The following TOP1MT variants were observed in gnomAD, a reference collection of about 807,000 sequenced individuals.
TOP1MT encodes the protein DNA topoisomerase I, mitochondrial.
In TOP1MT, 80 loss-of-function variants were observed where a neutral mutation model predicts 73.9. That is an observed-to-expected ratio of 1.08 (90% CI 0.90 to 1.30). The LOEUF is 1.30. Ranked by LOEUF, TOP1MT falls within the 50% of genes most tolerant of loss-of-function variation. TOP1MT has a pLI of 0.00. For synonymous variants in TOP1MT, 338 were observed against 326.4 expected (o/e 1.04, Z -0.38); for missense variants, 815 against 808.0 (o/e 1.01, Z -0.10).
intron 8 of TOP1MT, among the ~76,000 whole-genome samples, chr8:143,318,930 T>C (rs1018993601): frequency 2.0e-5 from 3 of 152,228 alleles, no homozygotes; most frequent in Non-Finnish European, 4.4e-5. Flanking sequence ...GTCCCGCCTT[T>C]TTCTCTACAT....
chr8:143,315,976 G>T, intron 11 of TOP1MT, 23 bp downstream of exon 11: 1 of 1,614,064 alleles, frequency 6.2e-7, no homozygotes, highest in Non-Finnish European at 8.5e-7. Flanking sequence ...GGCTGGGCTG[G>T]GGGCTCTCCT....
At chr8:143,322,414 C>G (rs528882813) in intron 7 of TOP1MT, among the ~76,000 whole-genome samples, 2 of 129,012 alleles carry the variant, frequency 1.6e-5, no homozygotes, top group African/African-American at 6.8e-5. Flanking sequence ...ACCACACACG[C>G]ACGCCACACA....
intron 12 of TOP1MT, among the ~76,000 whole-genome samples, chr8:143,314,571 C>T (rs373098058): frequency 5.8e-5 from 8 of 137,100 alleles, no homozygotes; most frequent in East Asian, 2.2e-4. Flanking sequence ...TCCAGCCTGG[C>T]GACAGAGACT....
upstream of TOP1MT, among the ~76,000 whole-genome samples, chr8:143,357,882 T>C (rs1370250151): frequency 3.3e-5 from 5 of 151,192 alleles, no homozygotes; most frequent in East Asian, 1.9e-4. Flanking sequence ...GATTGCACCA[T>C]TGCACTCCAG....
At chr8:143,321,453 A>ACACACGCACGCCACACACGCACGC in intron 7 of TOP1MT, 67 bp from the exon 8 acceptor site, 3 of 790,350 alleles carry the variant, frequency 3.8e-6, no homozygotes, top group East Asian at 8.6e-5. Flanking sequence ...CGCACGCCAC[A>ACACACGCACGCCACACACGCACGC]CACACGCACG....
At chr8:143,350,243 A>G (rs2931709) in intron 1 of TOP1MT, 34,274 of 152,266 alleles carry the variant, frequency 0.23, 7,286 homozygotes, top group African/African-American at 0.57. Context: ...GCTGTGCAAG[A>G]ATGACAGGCA....
chr8:143,324,287 T>G (rs1586763934), intron 6 of TOP1MT, 145 bp from the exon 7 acceptor site: 2 of 1,358,926 alleles, frequency 1.5e-6, no homozygotes, highest in Non-Finnish European at 2.0e-6. Flanking sequence ...TCTAGCTGGG[T>G]GATGCCGGCA....
intron 12 of TOP1MT, among the ~76,000 whole-genome samples, chr8:143,312,414 A>G (rs913666434): frequency 6.6e-6 from 1 of 152,224 alleles, no homozygotes; most frequent in Non-Finnish European, 1.5e-5. Flanking sequence ...ATGGTTTCAT[A>G]TCTGATCAAT....
chr8:143,334,893 GGCCCCGCCCCAGCGGCCAGCCCC>G (rs770887902), upstream of TOP1MT: 104 of 1,414,070 alleles, frequency 7.4e-5, no homozygotes, highest in South Asian at 5.5e-4. Context: ...CGACAAGCTG[GGCCCCGCCCCAGCGGCCAGCCCC>G]GCCCCGCCCC....
Position 143,322,821 on chromosome 8 carries a change from G to GCACGTCACACACA in TOP1MT, c.960+1177_960+1178insTGTGTGTGACGTG, listed in dbSNP as rs1401129356. On this transcript the variant is annotated intron_variant, in intron 7 of 13. Transcript: ENST00000329245. ...ACACACACATGCATGCCACACACAGGCACGCCACACACGCACACCACACAC... is the reference window on the plus strand; with the variant it reads ...ACACACACATGCATGCCACACACAGGCACGTCACACACACACGCCACACACGCACACCACACAC... Among the ~76,000 whole-genome samples the GCACGTCACACACA allele has an allele frequency of 5.1e-3, 149 of 29,134 alleles. 36 individuals carry two copies. Among genetic ancestry groups the GCACGTCACACACA allele is most frequent in the East Asian group, 0.012 (4 of 342 alleles). 19.1% of individuals were successfully genotyped at this position (29,134 alleles called of 152,430 possible). A position where few individuals can be genotyped will look rare whatever the true frequency, so the allele number is the denominator to read the frequency against.
rs1378241048 is a variant in TOP1MT, at chr8:143,341,858, CCT to C, written c.29+1360_29+1361del. On this transcript the variant is annotated intron_variant, in intron 2 of 5. Coordinates refer to the TOP1MT transcript ENST00000518007. This position sits in a 1 kb window ranked among gnomAD's most constrained non-coding sequence, Gnocchi z 4.1. ...CCTCTTCTTCCTCCTCCTCCTCCTT[CCT>C]CTTTCTCCTCCCCCTTCTTCTTCTT... Among the ~76,000 whole-genome samples the C allele has an allele frequency of 7.2e-6, 1 of 138,896 alleles. No homozygotes were observed. The highest frequency in any genetic ancestry group is 2.1e-4 in the South Asian group (1 of 4,770). The allele number at this position is 138,896 out of a possible 152,430, so 91.1% of individuals were successfully genotyped here.
chr8:143,311,582 C>T (rs111936650), intron 12 of TOP1MT, among the ~76,000 whole-genome samples: 2,236 of 152,138 alleles, frequency 0.015, 57 homozygotes, highest in African/African-American at 0.051. Flanking sequence ...TCCGTCTCTA[C>T]TAAAAATACA....
chr8:143,313,099 A>T (rs1192586807), intron 12 of TOP1MT, among the ~76,000 whole-genome samples: 1 of 152,178 alleles, frequency 6.6e-6, no homozygotes, highest in Non-Finnish European at 1.5e-5. Context: ...CACACACAAA[A>T]ATTAACTCAG....
intron 7 of TOP1MT, among the ~76,000 whole-genome samples, chr8:143,322,636 ACACACGCCACACG>A (rs1445329855): frequency 1.6e-5 from 1 of 62,274 alleles, no homozygotes; most frequent in South Asian, 8.7e-4. Context: ...CACGTCACAC[ACACACGCCACACG>A]CACACCACAC....
Position 143,321,390 on chromosome 8 carries a change from G to C in TOP1MT, c.961-4C>G, listed in dbSNP as rs375715977. The C allele has an allele frequency of 4.4e-6, 7 of 1,576,582 alleles. No individual in the cohort carries two copies. The highest frequency in any genetic ancestry group is 2.3e-5 in the East Asian group (1 of 44,194). ...CATTTCCTGCTCTCAGTGCCAGCTA[G>C]TTGGTGGGGAATGGTCAAAGTGGGT... On this transcript the variant is annotated splice_polypyrimidine_tract_variant and splice_region_variant and intron_variant, in intron 7 of 13. Transcript: ENST00000329245.
In TOP1MT at chr8:143,341,154, C is replaced by T. The variant is rs1421989977; in HGVS notation, c.29+2066G>A. 1.3e-5 allele frequency among the ~76,000 whole-genome samples: 2 copies of T among 152,210 alleles called. No homozygotes were observed. The highest frequency in any genetic ancestry group is 2.1e-4 in the South Asian group (1 of 4,832). On this transcript the variant is annotated intron_variant, in intron 2 of 5. Transcript: ENST00000518007. The surrounding 1 kb of genome is among the most constrained non-coding windows in gnomAD (Gnocchi z 4.1). ...CCCCGCCACCCTCTTCTCGTGCTGC[C>T]GCCCCAGTGCATCTCCCCACACGTT... is the stretch of plus-strand genomic sequence containing the variant.
upstream of TOP1MT, among the ~76,000 whole-genome samples, chr8:143,347,881 G>A (rs529234768): frequency 1.1e-4 from 16 of 152,324 alleles, no homozygotes; most frequent in Admixed American, 5.9e-4. Flanking sequence ...AGGTGAGGAC[G>A]GGTACCTGGA....
At chr8:143,353,704 C>T (rs1817357597) in intron 1 of TOP1MT, among the ~76,000 whole-genome samples, 1 of 151,940 alleles carries the variant, frequency 6.6e-6, no homozygotes, top group South Asian at 2.1e-4. Context: ...TTATTGGGGC[C>T]GGACATGGTG....
At chr8:143,351,632 T>C (rs1563774893) in intron 1 of TOP1MT, among the ~76,000 whole-genome samples, 1 of 149,708 alleles carries the variant, frequency 6.7e-6, no homozygotes, top group Admixed American at 6.6e-5. Context: ...CCATTTACAA[T>C]AGCATCAAAA....
Sources: allele counts gnomAD v4.1 joint callset (sites outside exome capture counted in the v4.1 genomes callset), GRCh38; gene constraint gnomAD v4.1.1; non-coding constraint Gnocchi (gnomAD v3.1); transcripts MANE v1.5; gene names NCBI Gene and HGNC (gene_info 2026-07-23, HGNC 2026-07-21).